Variants in HAPLN2 observed in about 807,000 individuals in gnomAD.
The protein encoded by HAPLN2 is brain link protein-1.
Under a neutral mutation model 29.3 loss-of-function variants are expected in HAPLN2, and 27 were observed. That is an observed-to-expected ratio of 0.92 (90% CI 0.68 to 1.27). HAPLN2 has a LOEUF of 1.27. HAPLN2 is among the 50% of genes most tolerant of loss of function. The pLI, the probability that HAPLN2 is intolerant of heterozygous loss-of-function variation, is 0.00. For missense variants in HAPLN2, 454 were observed against 484.3 expected (o/e 0.94, Z 0.59); for synonymous variants, 208 against 211.7 (o/e 0.98, Z 0.15).
chr1:156,605,831 C>A, the HAPLN2 span, among the ~76,000 whole-genome samples: 1 of 151,868 alleles, frequency 6.6e-6, no homozygotes, highest in Non-Finnish European at 1.5e-5. Context: ...CAAAACAGTT[C>A]AATGGAGAAA....
intron 2 of HAPLN2, among the ~76,000 whole-genome samples, chr1:156,621,942 C>T (rs527917598): frequency 8.2e-5 from 12 of 146,180 alleles, no homozygotes; most frequent in South Asian, 2.2e-4. Flanking sequence ...GGCAACAGAG[C>T]GAGACTCCAT....
rs572033811 is a variant in HAPLN2 at position 156,624,681 on chromosome 1, G to A, written c.637G>A (p.Ala213Thr). The change falls in exon 6 of 7, where the codon GCC becomes ACC. Residue 213 changes from alanine to threonine, a missense_variant. This residue lies in a region of HAPLN2 where 235 missense variants were observed against 236.9 expected (regional missense o/e 0.99). Coordinates refer to ENST00000255039, the MANE Select transcript of HAPLN2 (RefSeq NM_021817.3). ...SVRYPVLTAR[A>T]PCGGRGRPGI... ...GCGCTACCCTGTGCTCACCGCACGC[G>A]CCCCGTGCGGCGGCCGAGGCCGGCC... The A allele has an allele frequency of 1.3e-5, 21 of 1,603,164 alleles. No individual in the cohort carries two copies. Among genetic ancestry groups the A allele is most frequent in the African/African-American group, 8.0e-5 (6 of 74,710 alleles).
chr1:156,607,416 G>C, the HAPLN2 span, among the ~76,000 whole-genome samples: 10 of 152,138 alleles, frequency 6.6e-5, no homozygotes, highest in South Asian at 2.1e-3. Flanking sequence ...GGAGGTGGAG[G>C]TTGTAGTGAG....
At position 156,625,036 on chromosome 1, in the gene HAPLN2, C is replaced by T; in HGVS notation, c.740-65C>T. The T allele has an allele frequency of 1.3e-6, 2 of 1,507,798 alleles. No individual in the cohort carries two copies. Among genetic ancestry groups the T allele is most frequent in the South Asian group, 2.5e-5 (2 of 81,482 alleles). The allele number at this position is 1,507,798 out of a possible 1,614,324, so 93.4% of individuals were successfully genotyped here. On this transcript the variant is annotated intron_variant, in intron 6 of 6. Transcript: ENST00000255039. This position sits in a 1 kb window ranked among gnomAD's most constrained non-coding sequence, Gnocchi z 5.7. ...GCGGTCCCGCACCCCAACTCCGCCT[C>T]CTGGGTGTCAGCCGCCCCTCTCCGC...
Position 156,624,409 on chromosome 1 carries a change from G to A in HAPLN2, c.498G>A (p.Ala166=). ...GGTACCAGTTCAATTACTACGAGGC[G>A]AAGCAGGCGTGCGAGGAGCAGGACG... ...RGRYQFNYYE[A]KQACEEQDGR... is the part of the protein sequence containing the mutation. Residue 166 remains alanine (A), a synonymous_variant, in exon 5 of 7, where the codon GCG becomes GCA. Transcript: ENST00000255039. The A allele has an allele frequency of 6.2e-7, 1 of 1,611,112 alleles. No homozygotes were observed. Among genetic ancestry groups the A allele is most frequent in the Non-Finnish European group, 8.5e-7 (1 of 1,178,842 alleles).
the HAPLN2 span, among the ~76,000 whole-genome samples, chr1:156,608,406 C>T: frequency 6.6e-6 from 1 of 152,214 alleles, no homozygotes; most frequent in East Asian, 1.9e-4. Context: ...CTGCCTTTCC[C>T]TGGCCTCATT....
Position 156,624,786 on chromosome 1 carries a change from G to A in HAPLN2, c.739+3G>A. On this transcript the variant is annotated splice_donor_region_variant and intron_variant, in intron 6 of 6. Coordinates refer to ENST00000255039, the MANE Select transcript of HAPLN2 (RefSeq NM_021817.3). The stretch of plus-strand genomic sequence containing the variant: ...CTGCTTCACCTCCGCGCTGGCGGGT[G>A]AGGCGCGGGACGAAGGCAGGGTCTT... 1 of 1,493,532 alleles carries A rather than the reference G, an allele frequency of 6.7e-7. No individual in the cohort carries two copies. Among genetic ancestry groups the A allele is most frequent in the Non-Finnish European group, 8.9e-7 (1 of 1,129,792 alleles). 92.5% of individuals were successfully genotyped at this position (1,493,532 alleles called of 1,614,324 possible).
chr1:156,616,361 T>C (rs1353134860), upstream of HAPLN2, among the ~76,000 whole-genome samples: 5 of 152,222 alleles, frequency 3.3e-5, no homozygotes, highest in Non-Finnish European at 5.9e-5. Flanking sequence ...AGTTTGGCTA[T>C]TCATTATATG....
At chr1:156,617,433 C>T (rs917804842), upstream of HAPLN2, among the ~76,000 whole-genome samples, 11 of 150,208 alleles carry the variant, frequency 7.3e-5, no homozygotes, top group African/African-American at 2.7e-4. Flanking sequence ...TCACTGCAAC[C>T]TCCTCCTGGG....
At chr1:156,611,264 C>T in the HAPLN2 span, among the ~76,000 whole-genome samples, 2 of 48,524 alleles carry the variant, frequency 4.1e-5, no homozygotes, top group African/African-American at 9.7e-5. Context: ...AGAGTGAGAC[C>T]CTAAAAAAAA....
intron 2 of HAPLN2, among the ~76,000 whole-genome samples, chr1:156,622,877 A>G (rs1291590223): frequency 1.3e-5 from 2 of 151,636 alleles, no homozygotes; most frequent in African/African-American, 4.8e-5. Context: ...AAACTTAAAA[A>G]GAAACAATTA....
the HAPLN2 span, among the ~76,000 whole-genome samples, chr1:156,611,577 A>C: frequency 6.6e-6 from 1 of 152,100 alleles, no homozygotes; most frequent in Non-Finnish European, 1.5e-5. Flanking sequence ...AAAACAAAAA[A>C]CAAAAAAACA....
At chr1:156,602,523 A>C in the HAPLN2 span, among the ~76,000 whole-genome samples, 7,516 of 144,838 alleles carry the variant, frequency 0.052, 292 homozygotes, top group African/African-American at 0.1. Context: ...GCCTGGGCAA[A>C]ATGGCGAGAC....
In HAPLN2 at chr1:156,624,657, C is replaced by A; in HGVS notation, c.613C>A (p.Arg205Ser). 2 of 1,610,718 alleles carry A rather than the reference C, an allele frequency of 1.2e-6. No individual in the cohort carries two copies. The highest frequency in any genetic ancestry group is 1.3e-5 in the African/African-American group (1 of 75,036). The change falls in exon 6 of 7, where the codon CGC (arginine) becomes AGC (serine). Residue 205 changes from arginine (R) to serine (S), a missense_variant. Coordinates refer to ENST00000255039, the MANE Select transcript of HAPLN2 (RefSeq NM_021817.3). ...NAGWLLEGSVRYPVLTARAPC... is the reference protein window; with the variant it reads ...NAGWLLEGSVSYPVLTARAPC... ...GGGCTGGCTGCTCGAGGGCTCCGTG[C>A]GCTACCCTGTGCTCACCGCACGCGC...
chr1:156,610,555 G>T, the HAPLN2 span, among the ~76,000 whole-genome samples: 1 of 151,658 alleles, frequency 6.6e-6, no homozygotes, highest in African/African-American at 2.4e-5. Flanking sequence ...CAGGAGAATC[G>T]CTTGAACCAG....
At chr1:156,617,935 T>G (rs921656707), upstream of HAPLN2, among the ~76,000 whole-genome samples, 1 of 152,112 alleles carries the variant, frequency 6.6e-6, no homozygotes, top group African/African-American at 2.4e-5. Flanking sequence ...AAAAATTCAT[T>G]TAGCTGTACA....
At chr1:156,611,687 G>A in the HAPLN2 span, among the ~76,000 whole-genome samples, 10 of 152,236 alleles carry the variant, frequency 6.6e-5, no homozygotes, top group African/African-American at 2.4e-4. Flanking sequence ...TGTTTTGATT[G>A]ATTCTGTTCC....
At chr1:156,606,102 G>T in the HAPLN2 span, among the ~76,000 whole-genome samples, 1 of 152,090 alleles carries the variant, frequency 6.6e-6, no homozygotes, top group South Asian at 2.1e-4. Context: ...TGGCCAACAT[G>T]GCGAAATCCC....
At chr1:156,615,507 G>C (rs1678033853), upstream of HAPLN2, among the ~76,000 whole-genome samples, 1 of 151,126 alleles carries the variant, frequency 6.6e-6, no homozygotes. Context: ...AGTGAGCAAT[G>C]ATCACACCAC....
Sources: allele counts gnomAD v4.1 joint callset (sites outside exome capture counted in the v4.1 genomes callset), GRCh38; gene constraint gnomAD v4.1.1; regional missense constraint gnomAD v4.1.1; non-coding constraint Gnocchi (gnomAD v3.1); transcripts MANE v1.5; gene names NCBI Gene and HGNC (gene_info 2026-07-23, HGNC 2026-07-21).